TMEM132C: variants seen among roughly 807,000 people sequenced by gnomAD.
The protein encoded by TMEM132C is protein phosphatase 1, regulatory subunit 152.
A neutral mutation model predicts 61.4 loss-of-function variants in TMEM132C; 29 were observed. That is an observed-to-expected ratio of 0.47 (90% CI 0.35 to 0.64). TMEM132C has a LOEUF of 0.64. TMEM132C is among the 30% of genes least tolerant of loss of function. The pLI is 0.00. For missense variants in TMEM132C, 1,408 were observed against 1,476.9 expected (o/e 0.95, Z 0.76); for synonymous variants, 656 against 633.1 (o/e 1.04, Z -0.54).
intron 2 of TMEM132C, among the ~76,000 whole-genome samples, chr12:128,445,452 A>G (rs895873971): frequency 3.3e-5 from 5 of 152,190 alleles, no homozygotes; most frequent in African/African-American, 1.2e-4. Flanking sequence ...AGGCAGAGCC[A>G]GCCCCGTGTG....
chr12:128,629,096 C>G (rs1016373107), intron 4 of TMEM132C, among the ~76,000 whole-genome samples: 16 of 152,200 alleles, frequency 1.1e-4, no homozygotes, highest in African/African-American at 3.9e-4. Context: ...TGATTTCAAT[C>G]TCTCTTACAA....
At chr12:128,635,462 CTTTTTTTTTT>C (rs372811916) in intron 4 of TMEM132C, among the ~76,000 whole-genome samples, 76 of 130,438 alleles carry the variant, frequency 5.8e-4, no homozygotes, top group African/African-American at 2.0e-3. Context: ...TGAGTTTTTT[CTTTTTTTTTT>C]TTTTTTGGTT....
At chr12:128,294,869 C>T (rs568589303) in intron 1 of TMEM132C, among the ~76,000 whole-genome samples, 2 of 152,032 alleles carry the variant, frequency 1.3e-5, no homozygotes, top group Non-Finnish European at 2.9e-5. Context: ...GGAACAAAGA[C>T]GTTTAGAACA....
At chr12:128,414,026 C>T (rs971475774) in intron 1 of TMEM132C, among the ~76,000 whole-genome samples, 9 of 152,066 alleles carry the variant, frequency 5.9e-5, no homozygotes, top group Admixed American at 3.3e-4. Flanking sequence ...GTCTTATGTA[C>T]GGTGTGGAGT....
At chr12:128,471,928 A>C in intron 2 of TMEM132C, among the ~76,000 whole-genome samples, 1 of 152,220 alleles carries the variant, frequency 6.6e-6, no homozygotes, top group East Asian at 1.9e-4. Context: ...TTCAAGTAGG[A>C]AATTTGGAAA....
intron 2 of TMEM132C, among the ~76,000 whole-genome samples, chr12:128,513,399 C>T (rs1037960833): frequency 2.6e-5 from 4 of 152,166 alleles, no homozygotes; most frequent in Admixed American, 6.5e-5. Flanking sequence ...AATCTCATTA[C>T]GTACTCTAAC....
At chr12:128,328,249 A>C (rs1872582070) in intron 1 of TMEM132C, among the ~76,000 whole-genome samples, 2 of 152,218 alleles carry the variant, frequency 1.3e-5, no homozygotes, top group Admixed American at 1.3e-4. Flanking sequence ...TGGTTGCTTA[A>C]AACAAGGCTA....
chr12:128,663,295 C>T (rs35048861), intron 4 of TMEM132C, among the ~76,000 whole-genome samples: 113,029 of 152,156 alleles, frequency 0.74, 42,303 homozygotes, highest in African/African-American at 0.84. Context: ...GTTCTGTCTG[C>T]GGATTTGCCT....
At chr12:128,597,277 T>C (rs7138289) in intron 3 of TMEM132C, among the ~76,000 whole-genome samples, 12,068 of 151,816 alleles carry the variant, frequency 0.079, 1,556 homozygotes, top group African/African-American at 0.27. Flanking sequence ...GTCAGGAGTT[T>C]GAGACCAGCC....
intron 1 of TMEM132C, among the ~76,000 whole-genome samples, chr12:128,346,626 T>C (rs755082548): frequency 2.0e-5 from 3 of 152,202 alleles, no homozygotes; most frequent in Non-Finnish European, 4.4e-5. Context: ...TATCCCTAGT[T>C]ACCTGTATTC....
intron 4 of TMEM132C, among the ~76,000 whole-genome samples, chr12:128,649,764 G>A (rs1954249588): frequency 6.6e-6 from 1 of 152,164 alleles, no homozygotes; most frequent in South Asian, 2.1e-4. Flanking sequence ...CCAAAGGACG[G>A]CCTGTTTAAT....
chr12:128,579,273 CA>C (rs1229700915), intron 3 of TMEM132C, among the ~76,000 whole-genome samples: 1 of 152,214 alleles, frequency 6.6e-6, no homozygotes, highest in Non-Finnish European at 1.5e-5. Flanking sequence ...CCTCGTAGCC[CA>C]GCTTTGTTCA....
At chr12:128,603,991 G>A (rs1177691090) in intron 3 of TMEM132C, among the ~76,000 whole-genome samples, 1 of 152,194 alleles carries the variant, frequency 6.6e-6, no homozygotes, top group African/African-American at 2.4e-5. Context: ...ATGGGGAAGT[G>A]TAGAGAGAAG....
rs976403359 is a variant in TMEM132C, at chr12:128,448,717, G to T, written c.974+33097G>T. 4.9e-4 allele frequency among the ~76,000 whole-genome samples: 74 copies of T among 152,262 alleles called. 1 individual carries two copies. Among genetic ancestry groups the T allele is most frequent in the Admixed American group, 4.8e-3 (73 of 15,306 alleles). On this transcript the variant is annotated intron_variant, in intron 2 of 8. Transcript: ENST00000435159. ...TAAGGGACTTTTGGATACAGGGAAGGCAAAATACGCCCTCTTTTATAATCT... is the reference window on the plus strand; with the variant it reads ...TAAGGGACTTTTGGATACAGGGAAGTCAAAATACGCCCTCTTTTATAATCT...
At chr12:128,279,940 G>C (rs1277643715) in intron 1 of TMEM132C, among the ~76,000 whole-genome samples, 2 of 152,208 alleles carry the variant, frequency 1.3e-5, no homozygotes, top group Non-Finnish European at 1.5e-5. Context: ...GATGGCTCTA[G>C]TACCTCTGGT....
At chr12:128,510,555 C>T (rs1206025001) in intron 2 of TMEM132C, among the ~76,000 whole-genome samples, 2 of 152,194 alleles carry the variant, frequency 1.3e-5, no homozygotes, top group Non-Finnish European at 2.9e-5. Context: ...TTCTGGTAGC[C>T]TGCCGTCTAG....
At chr12:128,419,225 C>A (rs1205136886) in intron 2 of TMEM132C, among the ~76,000 whole-genome samples, 1 of 152,176 alleles carries the variant, frequency 6.6e-6, no homozygotes, top group East Asian at 1.9e-4. Flanking sequence ...GTCAAGAAAC[C>A]AATAGGTATT....
intron 3 of TMEM132C, among the ~76,000 whole-genome samples, chr12:128,564,497 C>T (rs1429804129): frequency 6.6e-6 from 1 of 152,176 alleles, no homozygotes; most frequent in Non-Finnish European, 1.5e-5. Flanking sequence ...ATGCCCACCC[C>T]GTGCTGCTTC....
rs1267601823 is a variant in TMEM132C, at chr12:128,402,099, A to G, written c.86-12633A>G. On this transcript the variant is annotated intron_variant, in intron 1 of 8. Coordinates refer to ENST00000435159, the MANE Select transcript of TMEM132C (RefSeq NM_001136103.3). Reference sequence around the variant, plus strand: ...CAGGGGCGAGAGAAGCTGCCGAGATATTGGCTTAGAAGAGAGAGACTCCAA... The same window carrying G: ...CAGGGGCGAGAGAAGCTGCCGAGATGTTGGCTTAGAAGAGAGAGACTCCAA... 2.0e-5 allele frequency among the ~76,000 whole-genome samples: 3 copies of G among 152,136 alleles called. No homozygotes were observed. The East Asian group carries it at 5.8e-4, about 29-fold the overall frequency.
Sources: allele counts gnomAD v4.1 joint callset (sites outside exome capture counted in the v4.1 genomes callset), GRCh38; gene constraint gnomAD v4.1.1; transcripts MANE v1.5; gene names NCBI Gene and HGNC (gene_info 2026-07-23, HGNC 2026-07-21).